Variants in NOX5 observed in about 807,000 individuals in gnomAD.
NOX5 encodes NADPH oxidase, EF-hand calcium binding domain 5.
A neutral mutation model predicts 85.7 loss-of-function variants in NOX5; 76 were observed. The observed-to-expected ratio is 0.89, with a 90% CI of 0.74 to 1.07. NOX5 has a LOEUF of 1.07. Ranked by LOEUF, NOX5 falls within the 50% of genes least tolerant of loss-of-function variation. NOX5 has a pLI of 0.00. For synonymous variants in NOX5, 405 were observed against 401.4 expected, an observed-to-expected ratio of 1.01 and a Z score of -0.11; for missense variants, 973 against 999.5, an observed-to-expected ratio of 0.97 and a Z score of 0.36.
chr15:69,039,100 A>C (rs760033760), intron 9 of NOX5, 111 bp downstream of exon 9: 20 of 1,253,998 alleles, frequency 1.6e-5, no homozygotes, highest in Non-Finnish European at 2.2e-5. Context: ...AGAAACACAA[A>C]GTCAGCCTCA....
chr15:69,036,883 C>A, intron 7 of NOX5, 145 bp from the exon 8 acceptor site: 1 of 672,740 alleles, frequency 1.5e-6, no homozygotes. Flanking sequence ...GCTTCCCAGC[C>A]CCAACATCTT....
intron 15 of NOX5, 143 bp downstream of exon 15, chr15:69,055,643 G>T: frequency 1.3e-6 from 1 of 793,062 alleles, no homozygotes; most frequent in African/African-American, 1.7e-5. Context: ...TGGTGTGAAA[G>T]GTAAACAGGG....
Position 69,035,336 on chromosome 15 carries a change from C to G in NOX5, c.856-18C>G, listed in dbSNP as rs981767284. On this transcript the variant is annotated intron_variant, in intron 5 of 15. Coordinates refer to ENST00000388866, the MANE Select transcript of NOX5 (RefSeq NM_024505.4). ...GACAGAGAGTGAGGCAGGGCTCTCT[C>G]CCACTCTGCCTGGCCAGGTGCTGAT... is the stretch of plus-strand genomic sequence containing the variant. The G allele has an allele frequency of 2.5e-6, 4 of 1,612,176 alleles. No individual in the cohort carries two copies. The African/African-American group carries it at 5.3e-5, about 21-fold the overall frequency.
intron 1 of NOX5, among the ~76,000 whole-genome samples, chr15:69,017,568 G>A (rs1410765879): frequency 7.2e-5 from 11 of 152,018 alleles, no homozygotes; most frequent in Non-Finnish European, 1.0e-4. Flanking sequence ...CCACCTTTCC[G>A]GACAGAACCA....
Position 69,052,244 on chromosome 15 carries a change from A to G in NOX5, c.2000-3090A>G, listed in dbSNP as rs1479251344. ...AAAAAAAAAAAAAATAGAAGGTTTGAATGTCCTCCCCTCAACCTCTCCAAC... is the reference window on the plus strand; with the variant it reads ...AAAAAAAAAAAAAATAGAAGGTTTGGATGTCCTCCCCTCAACCTCTCCAAC... On this transcript the variant is annotated intron_variant, in intron 14 of 15. Coordinates refer to ENST00000388866, the MANE Select transcript of NOX5 (RefSeq NM_024505.4). 2.0e-5 allele frequency among the ~76,000 whole-genome samples: 3 copies of G among 151,914 alleles called. 1 individual carries two copies. The highest frequency in any genetic ancestry group is 1.5e-5 in the Non-Finnish European group (1 of 67,942).
At chr15:69,034,631 A>T (rs879450301) in intron 5 of NOX5, among the ~76,000 whole-genome samples, 1 of 152,164 alleles carries the variant, frequency 6.6e-6, no homozygotes, top group Non-Finnish European at 1.5e-5. Context: ...CAATGAGAGA[A>T]CCCTGGTTAA....
chr15:69,028,120 CCA>C, intron 2 of NOX5, 93 bp from the exon 3 acceptor site: 1 of 1,365,692 alleles, frequency 7.3e-7, no homozygotes, highest in South Asian at 1.4e-5. Flanking sequence ...GTGCACCCCC[CCA>C]CCACCACCCC....
At chr15:69,046,894 C>A (rs565050171) in intron 11 of NOX5, 28 bp downstream of exon 11, 2 of 1,611,410 alleles carry the variant, frequency 1.2e-6, no homozygotes, top group South Asian at 1.1e-5. Flanking sequence ...TGGACGTGAG[C>A]AATAATGCCT....
chr15:69,031,293 ACTT>A, intron 3 of NOX5: 1 of 577,184 alleles, frequency 1.7e-6, no homozygotes, highest in Non-Finnish European at 3.1e-6. Flanking sequence ...GTTGAGTAGT[ACTT>A]AGGGAGTTAC....
intron 10 of NOX5, among the ~76,000 whole-genome samples, chr15:69,045,560 C>CTTTCTTTCTTTCTTTCTTTCTTTCTT (rs1555437241): frequency 3.0e-5 from 4 of 132,192 alleles, no homozygotes; most frequent in African/African-American, 1.2e-4. Flanking sequence ...TTCTTTCTTT[C>CTTTCTTTCTTTCTTTCTTTCTTTCTT]TTTCTTTCTT....
At chr15:69,015,030 C>G (rs1030978444) in intron 1 of NOX5, among the ~76,000 whole-genome samples, 2 of 152,208 alleles carry the variant, frequency 1.3e-5, no homozygotes, top group African/African-American at 4.8e-5. Context: ...CAATACCCAG[C>G]ATTTGTACAA....
rs2050867260 is a variant in NOX5, at chr15:69,061,115, C to T, written c.*4419C>T. On this transcript the variant is annotated 3_prime_UTR_variant, in exon 16 of 16. Coordinates refer to ENST00000388866, the MANE Select transcript of NOX5 (RefSeq NM_024505.4). ...GATATTTTACTTTTTAATTTATGTA[C>T]TTTTGTATGGCTTGTATCTATTTTT... 1.3e-5 allele frequency: 2 copies of T among 152,210 alleles called. No individual in the cohort carries two copies. Among genetic ancestry groups the T allele is most frequent in the South Asian group, 2.1e-4 (1 of 4,826 alleles). The allele number at this position is 152,210 out of a possible 1,614,324, so 9.4% of individuals were successfully genotyped here.
rs977992420 is a variant in NOX5, at chr15:69,061,984, T to A, written c.*5288T>A. ...CTAAAGAATGTTCAAGAACAGTGAA[T>A]GATTTGTCTCTGTGTCCCCAGTGAC... is the stretch of plus-strand genomic sequence containing the variant. On this transcript the variant is annotated 3_prime_UTR_variant, in exon 16 of 16. Coordinates refer to ENST00000388866, the MANE Select transcript of NOX5 (RefSeq NM_024505.4). 1 of 152,194 alleles carries A rather than the reference T, an allele frequency of 6.6e-6. No individual in the cohort carries two copies. The highest frequency in any genetic ancestry group is 2.1e-4 in the South Asian group (1 of 4,832). The allele number at this position is 152,194 out of a possible 1,614,324, so 9.4% of individuals were successfully genotyped here.
chr15:69,032,975 TTTAAG>T (rs1191032727), intron 4 of NOX5, 63 bp from the exon 5 acceptor site: 31 of 1,511,322 alleles, frequency 2.1e-5, no homozygotes, highest in Non-Finnish European at 2.6e-5. Flanking sequence ...GAAGGGGGTC[TTTAAG>T]TTAAGACACA....
intron 12 of NOX5, 146 bp from the exon 13 acceptor site, chr15:69,047,684 C>A (rs981307853): frequency 7.5e-7 from 1 of 1,333,180 alleles, no homozygotes; most frequent in Non-Finnish European, 1.0e-6. Context: ...GCTCTGCCCC[C>A]CTCTCCTTTT....
intron 14 of NOX5, among the ~76,000 whole-genome samples, chr15:69,054,109 G>C (rs1332111238): frequency 6.6e-6 from 1 of 152,082 alleles, no homozygotes; most frequent in Non-Finnish European, 1.5e-5. Flanking sequence ...GCTCAGAAAT[G>C]CTCCTTCCCA....
At chr15:69,018,998 G>A (rs2050265802) in intron 1 of NOX5, among the ~76,000 whole-genome samples, 1 of 152,146 alleles carries the variant, frequency 6.6e-6, no homozygotes, top group Admixed American at 6.5e-5. Flanking sequence ...GAGTAGCTGG[G>A]ATCACAGGTG....
At chr15:69,050,568 T>G (rs1265558802) in intron 14 of NOX5, among the ~76,000 whole-genome samples, 1 of 152,162 alleles carries the variant, frequency 6.6e-6, no homozygotes, top group Non-Finnish European at 1.5e-5. Flanking sequence ...TTTTGTGTTT[T>G]TAGTAGAGAG....
chr15:69,038,890 T>C lies in NOX5; in HGVS notation c.1405T>C (p.Phe469Leu), dbSNP rs2050556587. 2.5e-6 allele frequency: 4 copies of C among 1,614,160 alleles called. No homozygotes were observed. The East Asian group carries it at 8.9e-5, about 36-fold the overall frequency. The change falls in exon 9 of 16, where the codon TTT (phenylalanine) becomes CTT (leucine). Residue 469 changes from phenylalanine to leucine, a missense_variant. Phe to Leu is a conservative substitution (Grantham distance 22, BLOSUM62 0). Transcript: ENST00000388866. Reference sequence around the variant, plus strand: ...TCTCCTCATCAAGCGGCCCCCTTTTTTTCACTATAGACCTGGTGACTACTT... The same window carrying C: ...TCTCCTCATCAAGCGGCCCCCTTTTCTTCACTATAGACCTGGTGACTACTT... Reference protein sequence around the residue: ...THLLIKRPPFFHYRPGDYLYL... With the variant: ...THLLIKRPPFLHYRPGDYLYL...
Sources: allele counts gnomAD v4.1 joint callset (sites outside exome capture counted in the v4.1 genomes callset), GRCh38; gene constraint gnomAD v4.1.1; transcripts MANE v1.5; gene names NCBI Gene and HGNC (gene_info 2026-07-23, HGNC 2026-07-21).